Variants in PCDH15 observed in about 807,000 individuals in gnomAD.
PCDH15 encodes protocadherin related 15.
PCDH15 carries 129 observed loss-of-function variants against 178.5 expected under a neutral mutation model. The ratio of observed to expected loss-of-function variants is 0.72; its 90% CI spans 0.63 to 0.84. PCDH15 has a LOEUF of 0.84. PCDH15 is among the 40% of genes least tolerant of loss of function. The probability of loss-of-function intolerance (pLI) is 0.00; values close to 1 mark genes in which losing one functional copy is unlikely to be tolerated. For missense variants in PCDH15, 2,230 were observed against 2,099.9 expected, an observed-to-expected ratio of 1.06 and a Z score of -1.21; for synonymous variants, 800 against 732.0, an observed-to-expected ratio of 1.09 and a Z score of -1.50.
At chr10:55,474,727 A>T (rs889442138) in intron 2 of PCDH15, among the ~76,000 whole-genome samples, 1 of 152,142 alleles carries the variant, frequency 6.6e-6, no homozygotes, top group Non-Finnish European at 1.5e-5. Flanking sequence ...CTGCCTCTCA[A>T]TTGCAGCTGT....
chr10:54,107,934 A>G (rs2094946680), intron 15 of PCDH15, among the ~76,000 whole-genome samples: 1 of 152,198 alleles, frequency 6.6e-6, no homozygotes, highest in Non-Finnish European at 1.5e-5. Flanking sequence ...CTGGGTCAGA[A>G]TGGGAATGAT....
chr10:54,906,246 A>G, intron 2 of PCDH15, among the ~76,000 whole-genome samples: 1 of 152,166 alleles, frequency 6.6e-6, no homozygotes, highest in Non-Finnish European at 1.5e-5. Flanking sequence ...AAGAATCATT[A>G]GCAGTGGAGG....
At chr10:53,901,832 A>G (rs1480342624) in intron 26 of PCDH15, among the ~76,000 whole-genome samples, 2 of 152,178 alleles carry the variant, frequency 1.3e-5, no homozygotes, top group Non-Finnish European at 2.9e-5. Flanking sequence ...TCCAAAAAGA[A>G]CTATCTTAAC....
intron 9 of PCDH15, among the ~76,000 whole-genome samples, chr10:54,220,917 A>G (rs1409679336): frequency 6.6e-5 from 10 of 152,086 alleles, no homozygotes. Context: ...ACCAAGTGAA[A>G]TTTATTTCCC....
intron 1 of PCDH15, among the ~76,000 whole-genome samples, chr10:55,288,549 C>G (rs955015252): frequency 3.3e-5 from 5 of 151,942 alleles, no homozygotes; most frequent in African/African-American, 1.2e-4. Context: ...CCTCCTCCAG[C>G]AACCACCAGT....
intron 1 of PCDH15, among the ~76,000 whole-genome samples, chr10:54,773,334 TCTC>T (rs1352879118): frequency 6.6e-6 from 1 of 152,126 alleles, no homozygotes; most frequent in Non-Finnish European, 1.5e-5. Context: ...AATGCTTAAT[TCTC>T]CTAATACGTC....
chr10:55,384,340 T>A (rs1049613782), intron 2 of PCDH15, among the ~76,000 whole-genome samples: 3 of 152,182 alleles, frequency 2.0e-5, no homozygotes, highest in Non-Finnish European at 2.9e-5. Flanking sequence ...TGTTTATATT[T>A]CACTTTTGTT....
At position 54,132,997 on chromosome 10, in the gene PCDH15, A is replaced by G. The variant is rs1436529608; in HGVS notation, c.1795T>C (p.Cys599Arg). 6.2e-7 allele frequency: 1 copy of G among 1,614,120 alleles called. No individual in the cohort carries two copies. The highest frequency in any genetic ancestry group is 8.5e-7 in the Non-Finnish European group (1 of 1,179,980). ...APPAERRNSI[C>R]TVYIEVLPPN... ...GGAAGCACTTCAATATACACAGTGC[A>G]GATGGAGTTCCTGCAGAGAAAGAGA... The change falls in exon 15 of 38, where the codon TGC (cysteine) becomes CGC (arginine). Residue 599 changes from cysteine (C) to arginine (R), a missense_variant. By Grantham distance (180) the Cys-to-Arg change is radical. Transcript: ENST00000644397.
intron 8 of PCDH15, among the ~76,000 whole-genome samples, chr10:54,271,314 G>A (rs1400132696): frequency 1.3e-5 from 2 of 152,038 alleles, no homozygotes; most frequent in African/African-American, 2.4e-5. Context: ...GGGTTCAAGC[G>A]ATTCTCCTGC....
At position 54,080,242 on chromosome 10, in the gene PCDH15, G is replaced by A. The variant is rs181465277; in HGVS notation, c.1998-818C>T. Among the ~76,000 whole-genome samples, 407 of 152,050 alleles carry A rather than the reference G, an allele frequency of 2.7e-3. 2 individuals are homozygous for A. Among genetic ancestry groups the A allele is most frequent in the African/African-American group, 9.5e-3 (394 of 41,526 alleles). On this transcript the variant is annotated intron_variant, in intron 16 of 37. Coordinates refer to ENST00000644397, the MANE Select transcript of PCDH15 (RefSeq NM_001384140.1). ...ATAATGGGAGATTAACAGCACTTGGGAAAATTATTGCACTTACAATATTTT... is the reference window on the plus strand; with the variant it reads ...ATAATGGGAGATTAACAGCACTTGGAAAAATTATTGCACTTACAATATTTT...
intron 2 of PCDH15, among the ~76,000 whole-genome samples, chr10:55,375,784 C>T (rs1837383290): frequency 6.6e-6 from 1 of 151,884 alleles, no homozygotes; most frequent in African/African-American, 2.4e-5. Flanking sequence ...ACCTAATTAA[C>T]ACTTTCTCTT....
intron 1 of PCDH15, among the ~76,000 whole-genome samples, chr10:55,292,124 G>A (rs1316662859): frequency 1.3e-5 from 2 of 152,064 alleles, no homozygotes; most frequent in Non-Finnish European, 2.9e-5. Flanking sequence ...GTCCCCCAAA[G>A]TCTTAACTCA....
At chr10:55,577,570 C>T (rs1842520844) in intron 2 of PCDH15, among the ~76,000 whole-genome samples, 1 of 152,016 alleles carries the variant, frequency 6.6e-6, no homozygotes, top group African/African-American at 2.4e-5. Context: ...ATTTTGAAGA[C>T]TTTTTATGGC....
At chr10:54,632,399 A>C (rs1380460176) in intron 2 of PCDH15, among the ~76,000 whole-genome samples, 11 of 152,086 alleles carry the variant, frequency 7.2e-5, no homozygotes, top group African/African-American at 1.4e-4. Context: ...TATACCATGC[A>C]CATGTGCCCC....
chr10:54,622,211 A>C (rs1033390468), intron 2 of PCDH15, among the ~76,000 whole-genome samples: 2 of 151,662 alleles, frequency 1.3e-5, no homozygotes, highest in Non-Finnish European at 2.9e-5. Flanking sequence ...GGGTGTGTGG[A>C]GGTCAATGTT....
intron 2 of PCDH15, among the ~76,000 whole-genome samples, chr10:55,565,450 C>T (rs1842282424): frequency 6.6e-6 from 1 of 151,262 alleles, no homozygotes; most frequent in Non-Finnish European, 1.5e-5. Context: ...AACCACTTTA[C>T]AACTTAAACC....
intron 2 of PCDH15, among the ~76,000 whole-genome samples, chr10:54,577,362 GA>G (rs2090591648): frequency 6.6e-6 from 1 of 151,836 alleles, no homozygotes; most frequent in Non-Finnish European, 1.5e-5. Context: ...AAAGTGCTGG[GA>G]TTACAGGCGT....
chr10:55,605,310 C>A (rs1489563910), intron 2 of PCDH15, among the ~76,000 whole-genome samples: 1 of 152,100 alleles, frequency 6.6e-6, no homozygotes, highest in Non-Finnish European at 1.5e-5. Context: ...CGAATTCTAC[C>A]AGAGGTGCAA....
chr10:54,351,694 A>T (rs1944207181), intron 5 of PCDH15, among the ~76,000 whole-genome samples: 1 of 152,146 alleles, frequency 6.6e-6, no homozygotes, highest in African/African-American at 2.4e-5. Context: ...CCCATTCATT[A>T]TGCTGTTCAA....
Sources: gnomAD v4.1 joint callset for allele counts (sites outside exome capture counted in the v4.1 genomes callset) on GRCh38, gnomAD v4.1.1 for gene constraint, MANE v1.5 for transcripts, NCBI Gene and HGNC (gene_info 2026-07-23, HGNC 2026-07-21) for gene names.